The following TRIP11 variants were observed in gnomAD, a reference collection of about 807,000 sequenced individuals.
The protein encoded by TRIP11 is thyroid hormone receptor interactor 11.
Under a neutral mutation model 223.1 loss-of-function variants are expected in TRIP11, and 148 were observed. The observed-to-expected ratio is 0.66, with a 90% CI of 0.58 to 0.76. The LOEUF (loss-of-function observed/expected upper bound fraction) is 0.76. Ranked by LOEUF, TRIP11 falls within the 30% of genes least tolerant of loss-of-function variation. The pLI, the probability that TRIP11 is intolerant of heterozygous loss-of-function variation, is 0.00. For missense variants in TRIP11, 2,043 were observed against 2,222.0 expected (o/e 0.92, Z 1.62); for synonymous variants, 762 against 772.6 (o/e 0.99, Z 0.23).
intron 16 of TRIP11, among the ~76,000 whole-genome samples, chr14:91,981,311 C>G (rs1352468000): frequency 6.6e-6 from 1 of 151,166 alleles, no homozygotes; most frequent in African/African-American, 2.4e-5. Flanking sequence ...CCACCGCACC[C>G]GGCCCAAATA....
In TRIP11 at chr14:92,003,542, T is replaced by A. The variant is rs201733332; in HGVS notation, c.4434A>T (p.Glu1478Asp). ...IVETYRGKET[E>D]YQALQETNMK... is the part of the protein sequence containing the mutation. Reference sequence around the variant, plus strand: ...TGTTAGTCTCTTGTAACGCTTGATATTCTGTTTCCTTTCCCCTGTATGTTT... The same window carrying A: ...TGTTAGTCTCTTGTAACGCTTGATAATCTGTTTCCTTTCCCCTGTATGTTT... The change falls in exon 11 of 21, where the codon GAA becomes GAT. Residue 1478 changes from glutamate to aspartate, a missense_variant. Coordinates refer to ENST00000267622, the MANE Select transcript of TRIP11 (RefSeq NM_004239.4). 5.0e-6 allele frequency: 8 copies of A among 1,614,176 alleles called. No homozygotes were observed. In the East Asian group the frequency reaches 1.8e-4, roughly 36 times the overall value.
At chr14:92,000,627 G>A (rs1328199844) in intron 11 of TRIP11, among the ~76,000 whole-genome samples, 1 of 152,048 alleles carries the variant, frequency 6.6e-6, no homozygotes, top group Non-Finnish European at 1.5e-5. Flanking sequence ...GAACCCAAAG[G>A]ACAAAAATGT....
intron 6 of TRIP11, 84 bp from the exon 7 acceptor site, chr14:92,014,661 G>C: frequency 2.1e-6 from 3 of 1,425,694 alleles, no homozygotes; most frequent in Non-Finnish European, 2.8e-6. Context: ...AGAGATATAA[G>C]ACAGTTCAGA....
rs1462328163 is a variant in TRIP11 at position 91,988,241 on chromosome 14, A to G, written c.5260+43T>C. On this transcript the variant is annotated intron_variant, in intron 16 of 20. Coordinates refer to ENST00000267622, the MANE Select transcript of TRIP11 (RefSeq NM_004239.4). Reference sequence around the variant, plus strand: ...GACAGAAGACTACATTTGATTTAATATCAGTATTGTAGTGGGGGAAAAATG... The same window carrying G: ...GACAGAAGACTACATTTGATTTAATGTCAGTATTGTAGTGGGGGAAAAATG... 6 of 1,459,280 alleles carry G rather than the reference A, an allele frequency of 4.1e-6. No individual in the cohort carries two copies. In the East Asian group the frequency reaches 1.4e-4, roughly 33 times the overall value. The allele number at this position is 1,459,280 out of a possible 1,614,324, so 90.4% of individuals were successfully genotyped here.
Position 92,005,340 on chromosome 14 carries a change from G to A in TRIP11, c.2636C>T (p.Thr879Ile), listed in dbSNP as rs748626535. The change falls in exon 11 of 21, where the codon ACC becomes ATC. Residue 879 changes from threonine to isoleucine, a missense_variant. Thr to Ile is a moderately conservative substitution (Grantham distance 89). Coordinates refer to ENST00000267622, the MANE Select transcript of TRIP11 (RefSeq NM_004239.4). ...LERLREEQSR[T>I]APVADPKTLD... Reference sequence around the variant, plus strand: ...GGTTTTAGGGTCAGCCACAGGTGCGGTTCGACTCTGCTCTTCCCTGAGTCG... The same window carrying A: ...GGTTTTAGGGTCAGCCACAGGTGCGATTCGACTCTGCTCTTCCCTGAGTCG... 6.2e-7 allele frequency: 1 copy of A among 1,614,152 alleles called. No homozygotes were observed. Among genetic ancestry groups the A allele is most frequent in the East Asian group, 2.2e-5 (1 of 44,886 alleles).
chr14:92,007,515 A>G (rs1028502516), intron 10 of TRIP11, 125 bp downstream of exon 10: 7 of 1,002,972 alleles, frequency 7.0e-6, no homozygotes, highest in African/African-American at 6.4e-5. Flanking sequence ...TTTACTATCT[A>G]GCACTTTACC....
chr14:92,011,674 A>G, intron 8 of TRIP11, 81 bp downstream of exon 8: 1 of 1,152,354 alleles, frequency 8.7e-7, no homozygotes, highest in Non-Finnish European at 1.3e-6. Flanking sequence ...CTCTTAAGGA[A>G]AATTAAAACT....
At chr14:91,992,873 C>A (rs1036518464) in intron 15 of TRIP11, among the ~76,000 whole-genome samples, 1 of 123,014 alleles carries the variant, frequency 8.1e-6, no homozygotes, top group Non-Finnish European at 1.6e-5. Context: ...CGCGCTACTG[C>A]ACTCCAGCAT....
At position 92,029,578 on chromosome 14, in the gene TRIP11, A is replaced by T. The variant is rs374655735; in HGVS notation, c.201+3614T>A. ...CAAAGTTTACAGGCATGAGCCTGTA[A>T]TCATGGATTACAGGCGTGAGCCACC... On this transcript the variant is annotated intron_variant, in intron 2 of 20. Transcript: ENST00000267622. Among the ~76,000 whole-genome samples the T allele has an allele frequency of 6.6e-5, 10 of 152,210 alleles. No individual in the cohort carries two copies. The East Asian group carries it at 1.9e-3, about 29-fold the overall frequency.
intron 18 of TRIP11, 111 bp from the exon 19 acceptor site, chr14:91,974,854 A>G (rs1321842565): frequency 1.1e-6 from 1 of 913,522 alleles, no homozygotes; most frequent in East Asian, 2.6e-5. Flanking sequence ...TTCAAGTTCA[A>G]GTCCTAGTAA....
chr14:92,036,069 A>T (rs1423853477), intron 1 of TRIP11, among the ~76,000 whole-genome samples: 1 of 152,200 alleles, frequency 6.6e-6, no homozygotes, highest in Non-Finnish European at 1.5e-5. Context: ...GTAGGGTTAC[A>T]TCTGTGGTTG....
chr14:91,993,156 G>A (rs2056701054), intron 15 of TRIP11, among the ~76,000 whole-genome samples: 1 of 151,490 alleles, frequency 6.6e-6, no homozygotes, highest in African/African-American at 2.4e-5. Flanking sequence ...TGCTCACAGA[G>A]GTACAAATTT....
In TRIP11 at chr14:91,972,742, A is replaced by G; in HGVS notation, c.5694T>C (p.Asp1898=). The change falls in exon 20 of 21, where the codon GAT becomes GAC. Residue 1898 remains aspartate, a synonymous_variant. Transcript: ENST00000267622. ...CTTTAAAACTTTCTGGTGCATTTGT[A>G]TCTCTTTTTCTTCTTCCTGGTGAAT... ...PLDSPGRRKR[D]TNAPESFKDT... 1.2e-6 allele frequency: 2 copies of G among 1,611,574 alleles called. No homozygotes were observed. The highest frequency in any genetic ancestry group is 8.5e-7 in the Non-Finnish European group (1 of 1,179,214).
chr14:92,021,879 A>G, intron 3 of TRIP11, 48 bp from the exon 4 acceptor site: 1 of 1,590,626 alleles, frequency 6.3e-7, no homozygotes, highest in Non-Finnish European at 8.6e-7. Flanking sequence ...TAAAACAATC[A>G]TATTGACTTT....
At chr14:92,003,332 C>A in intron 11 of TRIP11, 87 bp downstream of exon 11, 2 of 1,522,336 alleles carry the variant, frequency 1.3e-6, no homozygotes. Context: ...TGCACAGTCC[C>A]CTTCAAAGAC....
rs200551184 is a variant in TRIP11 at position 91,976,162 on chromosome 14, T to C, written c.5288A>G (p.Asp1763Gly). The change falls in exon 17 of 21, where the codon GAT becomes GGT. Residue 1763 changes from aspartate (D) to glycine (G), a missense_variant. By Grantham distance (94) the Asp-to-Gly change is moderately conservative. Coordinates refer to ENST00000267622, the MANE Select transcript of TRIP11 (RefSeq NM_004239.4). ...TAAGCTCATCAATTTCTTTTGTACA[T>C]CATCCAGCATTTCTTGTCGGAGCTC... ...QNELRQEMLD[D>G]VQKKLMSLAN... is the part of the protein sequence containing the mutation. The C allele has an allele frequency of 3.2e-5, 51 of 1,612,402 alleles. No homozygotes were observed. The highest frequency in any genetic ancestry group is 4.2e-5 in the Non-Finnish European group (49 of 1,179,782).
intron 3 of TRIP11, 26 bp from the exon 4 acceptor site, chr14:92,021,857 G>A (rs1258775455): frequency 1.9e-6 from 3 of 1,608,646 alleles, no homozygotes; most frequent in South Asian, 1.1e-5. Context: ...CCAAGTTTTA[G>A]AGAAGGTACT....
At chr14:92,018,785 G>C (rs920197134) in intron 4 of TRIP11, among the ~76,000 whole-genome samples, 1 of 151,302 alleles carries the variant, frequency 6.6e-6, no homozygotes, top group Admixed American at 6.6e-5. Flanking sequence ...GTGAAACCCC[G>C]TCACTATTAA....
At chr14:92,022,476 C>T (rs1262272736) in intron 3 of TRIP11, among the ~76,000 whole-genome samples, 3 of 152,066 alleles carry the variant, frequency 2.0e-5, no homozygotes, top group African/African-American at 7.2e-5. Context: ...CAAAGAGGAG[C>T]CAGCGAAAAT....
Sources: gnomAD v4.1 joint callset for allele counts (sites outside exome capture counted in the v4.1 genomes callset) on GRCh38, gnomAD v4.1.1 for gene constraint, MANE v1.5 for transcripts, NCBI Gene and HGNC (gene_info 2026-07-23, HGNC 2026-07-21) for gene names.